The following AHRR variants were observed in gnomAD, a reference collection of about 807,000 sequenced individuals.
AHRR encodes ahR repressor.
Under a neutral mutation model 44.0 loss-of-function variants are expected in AHRR, and 28 were observed. That is an observed-to-expected ratio of 0.64 (90% CI 0.47 to 0.87). The LOEUF is 0.87. AHRR is among the 40% of genes least tolerant of loss of function. The pLI is 0.00. For synonymous variants in AHRR, 434 were observed against 407.0 expected (o/e 1.07, Z -0.80); for missense variants, 990 against 953.9 (o/e 1.04, Z -0.50).
At chr5:374,429 G>A (rs138011775) in intron 3 of AHRR, among the ~76,000 whole-genome samples, 14 of 152,370 alleles carry the variant, frequency 9.2e-5, no homozygotes, top group African/African-American at 3.1e-4. Context: ...CTCTGGCTGA[G>A]CCTGGAGGGC....
At chr5:381,002 C>T (rs1177862616) in intron 4 of AHRR, among the ~76,000 whole-genome samples, 1 of 152,252 alleles carries the variant, frequency 6.6e-6, no homozygotes, top group Non-Finnish European at 1.5e-5. Flanking sequence ...GGTGCAAGTC[C>T]TGGAGTCTAA....
chr5:335,802 G>A (rs1742099194), intron 1 of AHRR, among the ~76,000 whole-genome samples: 1 of 152,234 alleles, frequency 6.6e-6, no homozygotes, highest in Admixed American at 6.5e-5. Flanking sequence ...TTTGTGCCTG[G>A]CCCGCAACTC....
At position 435,091 on chromosome 5, in the gene AHRR, TA is replaced by T. The variant is rs1736948620; in HGVS notation, c.*261del. 12 of 518,784 alleles carry T rather than the reference TA, an allele frequency of 2.3e-5. 2 individuals carry two copies. The South Asian group carries it at 3.6e-4, about 16-fold the overall frequency. 32.1% of individuals were successfully genotyped at this position (518,784 alleles called of 1,614,324 possible). A position where few individuals can be genotyped will look rare whatever the true frequency, so the allele number is the denominator to read the frequency against. Reference sequence around the variant, plus strand: ...ATGACAGCATTTCTCTTTGAGGAATTAAAATCTTTAGGAAAGTGATCATGGC... The same window carrying T: ...ATGACAGCATTTCTCTTTGAGGAATTAAATCTTTAGGAAAGTGATCATGGC... On this transcript the variant is annotated 3_prime_UTR_variant, in exon 11 of 11. Coordinates refer to ENST00000684583, the MANE Select transcript of AHRR (RefSeq NM_001377236.1).
At chr5:427,531 C>T (rs1371874109) in intron 7 of AHRR, 6 of 1,350,286 alleles carry the variant, frequency 4.4e-6, no homozygotes, top group African/African-American at 2.9e-5. Context: ...CATGAACAGG[C>T]ACACACGCGG....
chr5:324,403 A>G (rs1741628947), intron 1 of AHRR, among the ~76,000 whole-genome samples: 1 of 151,670 alleles, frequency 6.6e-6, no homozygotes, highest in Non-Finnish European at 1.5e-5. Context: ...TTATAGCCAA[A>G]GGTGCTTCCA....
At chr5:354,793 CG>C (rs1029061027) in intron 3 of AHRR, among the ~76,000 whole-genome samples, 1 of 152,154 alleles carries the variant, frequency 6.6e-6, no homozygotes, top group African/African-American at 2.4e-5. Flanking sequence ...CTCCCCTGGG[CG>C]GGGGGCGTCT....
chr5:376,570 A>T, intron 3 of AHRR, 40 bp from the exon 4 acceptor site: 1 of 1,527,270 alleles, frequency 6.5e-7, no homozygotes, highest in Non-Finnish European at 8.8e-7. Flanking sequence ...GGCCAGGCCA[A>T]GGGTTGGGGG....
intron 4 of AHRR, among the ~76,000 whole-genome samples, chr5:390,703 C>T (rs572572535): frequency 1.9e-4 from 29 of 152,144 alleles, no homozygotes; most frequent in African/African-American, 6.0e-4. Flanking sequence ...CATGAGTTTC[C>T]GGGTTGGAAG....
At chr5:335,739 T>C (rs2126340240) in intron 1 of AHRR, among the ~76,000 whole-genome samples, 1 of 152,326 alleles carries the variant, frequency 6.6e-6, no homozygotes, top group South Asian at 2.1e-4. Flanking sequence ...CCATGTGGCA[T>C]GCTCCCCCAT....
Position 423,824 on chromosome 5 carries a change from G to T in AHRR, c.572-17G>T, listed in dbSNP as rs769763127. 5.0e-5 allele frequency: 79 copies of T among 1,586,336 alleles called. No homozygotes were observed. Among genetic ancestry groups the T allele is most frequent in the Non-Finnish European group, 6.5e-5 (76 of 1,168,656 alleles). ...GCTTCTCCCACCGCCACGCCCCTTG[G>T]CCCCTATGGTCTGCAGGAGATGATG... On this transcript the variant is annotated splice_polypyrimidine_tract_variant and intron_variant, in intron 6 of 10. Coordinates refer to ENST00000684583, the MANE Select transcript of AHRR (RefSeq NM_001377236.1).
Position 395,563 on chromosome 5 carries a change from G to A in AHRR, c.352-17781G>A, listed in dbSNP as rs954726459. 1.3e-5 allele frequency among the ~76,000 whole-genome samples: 2 copies of A among 152,212 alleles called. No individual in the cohort carries two copies. Among genetic ancestry groups the A allele is most frequent in the Non-Finnish European group, 1.5e-5 (1 of 68,042 alleles). On this transcript the variant is annotated intron_variant, in intron 4 of 10. Transcript: ENST00000684583. The surrounding 1 kb of genome is among the most constrained non-coding windows in gnomAD (Gnocchi z 5.3). ...ACCCTGCCTGTGCCCAGTGGCAGCC[G>A]AGCAGGGCCTCACAAAAACAGCTGT...
chr5:386,376 A>G (rs554206014), intron 4 of AHRR, among the ~76,000 whole-genome samples: 7 of 152,386 alleles, frequency 4.6e-5, no homozygotes, highest in African/African-American at 1.7e-4. Context: ...GGGATCATGC[A>G]GATGTGATTA....
intron 4 of AHRR, among the ~76,000 whole-genome samples, chr5:408,015 G>A (rs761634110): frequency 6.6e-6 from 1 of 152,210 alleles, no homozygotes; most frequent in Non-Finnish European, 1.5e-5. Context: ...GAGTTGGCAG[G>A]TTTCTTCTTT....
Position 406,500 on chromosome 5 carries a change from G to A in AHRR, c.352-6844G>A, listed in dbSNP as rs752275968. On this transcript the variant is annotated intron_variant, in intron 4 of 10. Coordinates refer to ENST00000684583, the MANE Select transcript of AHRR (RefSeq NM_001377236.1). This position sits in a 1 kb window ranked among gnomAD's most constrained non-coding sequence, Gnocchi z 4.7. ...TTGTCTCAAAATAAAGGGGGATCAG[G>A]TGGCTGGTCCACTTGTTCTTAGAAG... 2.2e-4 allele frequency among the ~76,000 whole-genome samples: 34 copies of A among 152,226 alleles called. No homozygotes were observed. The highest frequency in any genetic ancestry group is 3.4e-4 in the Non-Finnish European group (23 of 68,046).
At position 432,487 on chromosome 5, in the gene AHRR, C is replaced by T. The variant is rs566249844; in HGVS notation, c.933C>T (p.Cys311=). The T allele has an allele frequency of 5.8e-5, 94 of 1,614,136 alleles. 2 individuals carry two copies. In the South Asian group the frequency reaches 7.8e-4, roughly 13 times the overall value. The change falls in exon 9 of 11, where the codon TGC becomes TGT. Residue 311 remains cysteine (C), a synonymous_variant. Coordinates refer to ENST00000684583, the MANE Select transcript of AHRR (RefSeq NM_001377236.1). The part of the protein sequence containing the change: ...DAKVKATTSL[C]ESELHGKPNY... ...GAGTAAAAGCCACCACCAGTCTGTG[C>T]GAATCGGAACTGCATGGAAAACCCA...
At position 434,655 on chromosome 5, in the gene AHRR, C is replaced by G. The variant is rs752499728; in HGVS notation, c.1915C>G (p.Arg639Gly). Residue 639 changes from arginine (R) to glycine (G), a missense_variant, in exon 11 of 11, where the codon CGA becomes GGA. Transcript: ENST00000684583. Reference sequence around the variant, plus strand: ...TCCCCACCAGCTCTGTGCACGGGGCCGAGGTGAACAGTCCTGCACCTGCAG... The same window carrying G: ...TCCCCACCAGCTCTGTGCACGGGGCGGAGGTGAACAGTCCTGCACCTGCAG... ...EPPHQLCARG[R>G]GEQSCTCRAA... is the part of the protein sequence containing the mutation. 6.4e-7 allele frequency: 1 copy of G among 1,565,022 alleles called. No homozygotes were observed.
Position 418,415 on chromosome 5 carries a change from A to G in AHRR, c.442-4314A>G, listed in dbSNP as rs186652521. ...TTCCCTCAACCCAAACAGGACTTACATCTCACCCTGTCTTCAGATTTGCCT... is the reference window on the plus strand; with the variant it reads ...TTCCCTCAACCCAAACAGGACTTACGTCTCACCCTGTCTTCAGATTTGCCT... On this transcript the variant is annotated intron_variant, in intron 5 of 10. Transcript: ENST00000684583. 1.4e-3 allele frequency among the ~76,000 whole-genome samples: 217 copies of G among 152,356 alleles called. 13 individuals carry two copies. In the East Asian group the frequency reaches 0.02, roughly 14 times the overall value.
intron 2 of AHRR, among the ~76,000 whole-genome samples, chr5:350,314 G>C (rs1258010382): frequency 6.6e-6 from 1 of 152,174 alleles, no homozygotes; most frequent in East Asian, 1.9e-4. Context: ...CTTTTGTTAG[G>C]TTTGTTCACA....
rs754319552 is a variant in AHRR, at chr5:434,080, C to T, written c.1340C>T (p.Ser447Leu). The change falls in exon 11 of 11, where the codon TCG becomes TTG. Residue 447 changes from serine to leucine, a missense_variant. Transcript: ENST00000684583. ...CPCVQGTFRN[S>L]PISHPPSPSP... Reference sequence around the variant, plus strand: ...TGTGTCCAGGGCACTTTCAGGAACTCGCCCATCTCTCACCCGCCGAGCCCG... The same window carrying T: ...TGTGTCCAGGGCACTTTCAGGAACTTGCCCATCTCTCACCCGCCGAGCCCG... 1.8e-5 allele frequency: 29 copies of T among 1,612,768 alleles called. No individual in the cohort carries two copies. The African/African-American group carries it at 2.1e-4, about 12-fold the overall frequency.
Sources: allele counts gnomAD v4.1 joint callset (sites outside exome capture counted in the v4.1 genomes callset), GRCh38; gene constraint gnomAD v4.1.1; non-coding constraint Gnocchi (gnomAD v3.1); transcripts MANE v1.5; gene names NCBI Gene and HGNC (gene_info 2026-07-23, HGNC 2026-07-21).